The following CRYBG1 variants were observed in gnomAD, a reference collection of about 807,000 sequenced individuals.
CRYBG1 encodes beta/gamma crystallin domain-containing protein 1.
In CRYBG1, 139 loss-of-function variants were observed where a neutral mutation model predicts 189.2. The ratio of observed to expected loss-of-function variants is 0.73; its 90% CI spans 0.64 to 0.85. The LOEUF (loss-of-function observed/expected upper bound fraction) is 0.85, where lower values mean the gene tolerates loss of function less well. Ranked by LOEUF, CRYBG1 falls within the 40% of genes least tolerant of loss-of-function variation. The pLI is 0.00. For synonymous variants in CRYBG1, 1,023 were observed against 1,017.1 expected (o/e 1.01, Z -0.11); for missense variants, 2,611 against 2,675.8 (o/e 0.98, Z 0.53).
chr6:106,458,418 G>C (rs1223302716), intron 2 of CRYBG1, among the ~76,000 whole-genome samples: 1 of 152,126 alleles, frequency 6.6e-6, no homozygotes, highest in East Asian at 1.9e-4. Flanking sequence ...CCCCAGGAAA[G>C]TTGTTTATTT....
chr6:106,436,970 C>T (rs1373442474), intron 1 of CRYBG1, among the ~76,000 whole-genome samples: 2 of 151,274 alleles, frequency 1.3e-5, no homozygotes, highest in Non-Finnish European at 2.9e-5. Flanking sequence ...AAATTGTATC[C>T]CAAGCCAGGT....
At chr6:106,484,168 T>TG (rs1194985232) in intron 2 of CRYBG1, among the ~76,000 whole-genome samples, 21 of 152,136 alleles carry the variant, frequency 1.4e-4, no homozygotes, top group Non-Finnish European at 2.4e-4. Context: ...GCACAAATTT[T>TG]GGGGGGGCAC....
chr6:106,476,438 G>A (rs1049046212), intron 2 of CRYBG1, among the ~76,000 whole-genome samples: 2 of 152,084 alleles, frequency 1.3e-5, no homozygotes, highest in Non-Finnish European at 2.9e-5. Context: ...AATTATATAA[G>A]TTAGATCTAA....
At chr6:106,379,572 C>A (rs906759480) in intron 1 of CRYBG1, among the ~76,000 whole-genome samples, 2 of 151,742 alleles carry the variant, frequency 1.3e-5, no homozygotes, top group African/African-American at 4.8e-5. Context: ...CTTTTCTTTT[C>A]TTTAAGAGAT....
chr6:106,489,138 C>G (rs1582791728), intron 2 of CRYBG1, among the ~76,000 whole-genome samples: 1 of 152,274 alleles, frequency 6.6e-6, no homozygotes, highest in East Asian at 1.9e-4. Context: ...CTGATCCCAG[C>G]AAGGAGACAG....
Position 106,568,624 on chromosome 6 carries a change from G to T in CRYBG1, c.*58G>T. The T allele has an allele frequency of 7.6e-7, 1 of 1,321,500 alleles. No homozygotes were observed. Among genetic ancestry groups the T allele is most frequent in the South Asian group, 1.2e-5 (1 of 83,484 alleles). The allele number at this position is 1,321,500 out of a possible 1,614,324, so 81.9% of individuals were successfully genotyped here. ...TTCCAGCCACCTTATTTCTTAAAAA[G>T]GACAATGCTGATGGAAGACCAGACT... On this transcript the variant is annotated 3_prime_UTR_variant, in exon 22 of 22. Coordinates refer to ENST00000633556, the MANE Select transcript of CRYBG1 (RefSeq NM_001371242.2).
chr6:106,543,805 A>C (rs1456321215), intron 11 of CRYBG1, among the ~76,000 whole-genome samples: 1 of 152,220 alleles, frequency 6.6e-6, no homozygotes, highest in Non-Finnish European at 1.5e-5. Flanking sequence ...TAATCCCAAC[A>C]CTTTGGGAGG....
intron 1 of CRYBG1, among the ~76,000 whole-genome samples, chr6:106,378,385 G>C (rs1387056876): frequency 1.3e-5 from 2 of 152,210 alleles, no homozygotes; most frequent in African/African-American, 4.8e-5. Context: ...GAAGTGTGGG[G>C]CCTGTAGATC....
intron 2 of CRYBG1, among the ~76,000 whole-genome samples, chr6:106,474,259 G>T (rs1772292410): frequency 6.6e-6 from 1 of 152,170 alleles, no homozygotes; most frequent in Admixed American, 6.5e-5. Flanking sequence ...TGGGAGGATG[G>T]CTTGAAGCCA....
intron 2 of CRYBG1, among the ~76,000 whole-genome samples, chr6:106,471,461 G>A (rs899620554): frequency 3.3e-5 from 5 of 152,118 alleles, no homozygotes; most frequent in East Asian, 1.9e-4. Flanking sequence ...TCTCCTATTC[G>A]GGATCATATC....
intron 1 of CRYBG1, among the ~76,000 whole-genome samples, chr6:106,425,786 C>T (rs558746245): frequency 6.6e-6 from 1 of 152,208 alleles, no homozygotes; most frequent in Admixed American, 6.5e-5. Flanking sequence ...TGTGTGCCAC[C>T]ACACCTGGCT....
At chr6:106,527,553 A>G in intron 7 of CRYBG1, 83 bp downstream of exon 7, 3 of 1,421,250 alleles carry the variant, frequency 2.1e-6, no homozygotes, top group Non-Finnish European at 2.9e-6. Context: ...ATTTTACGAA[A>G]TATGTGATTG....
intron 13 of CRYBG1, 121 bp downstream of exon 13, chr6:106,545,054 A>G (rs1770472057): frequency 1.3e-6 from 1 of 789,082 alleles, no homozygotes; most frequent in African/African-American, 1.7e-5. Flanking sequence ...GCTTAACATT[A>G]AATCAGTCAT....
intron 1 of CRYBG1, among the ~76,000 whole-genome samples, chr6:106,367,280 CT>C (rs1417097303): frequency 6.6e-6 from 1 of 152,048 alleles, no homozygotes; most frequent in Non-Finnish European, 1.5e-5. Context: ...CTTTTTTCTT[CT>C]TTAGCTCTTT....
Position 106,512,519 on chromosome 6 carries a change from A to C in CRYBG1, c.1402A>C (p.Lys468Gln). The C allele has an allele frequency of 6.2e-7, 1 of 1,610,358 alleles. No homozygotes were observed. The highest frequency in any genetic ancestry group is 1.1e-5 in the South Asian group (1 of 90,650). The change falls in exon 3 of 22, where the codon AAA becomes CAA. Residue 468 changes from lysine (K) to glutamine (Q), a missense_variant. This residue lies in a region of CRYBG1 where 985 missense variants were observed against 924.4 expected (regional missense o/e 1.07). Transcript: ENST00000633556. ...TAACGCCTCGGCGGAAAAGAAAGTG[A>C]AATCTCCGCGGGCAGCCCTCGACGG... ...SDNASAEKKV[K>Q]SPRAALDGGV...
intron 16 of CRYBG1, among the ~76,000 whole-genome samples, chr6:106,555,480 C>T (rs1562117875): frequency 6.6e-6 from 1 of 152,066 alleles, no homozygotes; most frequent in Admixed American, 6.6e-5. Context: ...GCTGGGCAAA[C>T]GGTGGCACCC....
chr6:106,420,185 C>G (rs1351809446), intron 1 of CRYBG1, among the ~76,000 whole-genome samples: 2 of 152,142 alleles, frequency 1.3e-5, no homozygotes, highest in Non-Finnish European at 2.9e-5. Flanking sequence ...AGGTTGAAGA[C>G]ACACCCAGGA....
chr6:106,496,182 T>A (rs1159773052), intron 2 of CRYBG1, among the ~76,000 whole-genome samples: 1 of 152,202 alleles, frequency 6.6e-6, no homozygotes, highest in East Asian at 1.9e-4. Context: ...GTGGTTGGGA[T>A]TAAAATAAAT....
chr6:106,387,929 C>T (rs1008456031), intron 1 of CRYBG1, among the ~76,000 whole-genome samples: 1 of 152,156 alleles, frequency 6.6e-6, no homozygotes, highest in African/African-American at 2.4e-5. Context: ...TTTATTCTTC[C>T]ATTGGAGCAA....
Sources: allele counts gnomAD v4.1 joint callset (sites outside exome capture counted in the v4.1 genomes callset), GRCh38; gene constraint gnomAD v4.1.1; regional missense constraint gnomAD v4.1.1; transcripts MANE v1.5; gene names NCBI Gene and HGNC (gene_info 2026-07-23, HGNC 2026-07-21).